Variants in SEH1L observed in about 807,000 individuals in gnomAD.
SEH1L encodes the protein SEH1 like nucleoporin.
A neutral mutation model predicts 49.5 loss-of-function variants in SEH1L; 18 were observed. The observed-to-expected ratio is 0.36, with a 90% CI of 0.25 to 0.54. The LOEUF is 0.54. SEH1L is among the 20% of genes least tolerant of loss of function. SEH1L has a pLI of 0.87. For missense variants in SEH1L, 404 were observed against 528.8 expected, an observed-to-expected ratio of 0.76 and a Z score of 2.31; for synonymous variants, 169 against 178.1, an observed-to-expected ratio of 0.95 and a Z score of 0.41.
intron 4 of SEH1L, 123 bp from the exon 5 acceptor site, chr18:12,971,030 A>G (rs2031676923): frequency 3.0e-6 from 2 of 658,738 alleles, no homozygotes; most frequent in Non-Finnish European, 5.5e-6. Context: ...AGAGACCTAG[A>G]TTCACTAGTA....
chr18:12,969,988 T>A (rs2031626696), intron 4 of SEH1L, among the ~76,000 whole-genome samples: 1 of 152,218 alleles, frequency 6.6e-6, no homozygotes, highest in East Asian at 1.9e-4. Flanking sequence ...TATAAATAAC[T>A]TATAATTTTA....
At chr18:12,974,809 T>C (rs2031849277) in intron 5 of SEH1L, among the ~76,000 whole-genome samples, 3 of 152,178 alleles carry the variant, frequency 2.0e-5, no homozygotes, top group Non-Finnish European at 4.4e-5. Context: ...ACAGCTTTTA[T>C]TAACACTGTT....
intron 1 of SEH1L, 88 bp from the exon 2 acceptor site, chr18:12,951,767 T>C (rs2145603451): frequency 1.3e-6 from 1 of 783,432 alleles, no homozygotes; most frequent in East Asian, 2.7e-5. Context: ...TGTTCACCGC[T>C]TTCCTTGTAC....
At chr18:12,980,385 TC>T (rs2032159760) in intron 6 of SEH1L, among the ~76,000 whole-genome samples, 1 of 83,310 alleles carries the variant, frequency 1.2e-5, no homozygotes, top group Non-Finnish European at 2.4e-5. Flanking sequence ...CCCCCCCACC[TC>T]CCTCCCGGAC....
intron 6 of SEH1L, among the ~76,000 whole-genome samples, chr18:12,980,205 G>A (rs1014283463): frequency 7.7e-5 from 5 of 64,892 alleles, no homozygotes; most frequent in Non-Finnish European, 1.4e-4. Flanking sequence ...CTGGCCGGGC[G>A]GGGGGCTGAC....
intron 5 of SEH1L, chr18:12,971,854 G>C (rs2031718866): frequency 6.6e-6 from 1 of 152,322 alleles, no homozygotes; most frequent in Admixed American, 6.5e-5. Flanking sequence ...GACAAAGAGG[G>C]CAGAAGCACT....
At position 12,987,088 on chromosome 18, in the gene SEH1L, C is replaced by A; in HGVS notation, c.*31C>A. On this transcript the variant is annotated 3_prime_UTR_variant, in exon 9 of 9. Transcript: ENST00000399892. ...TGATTTAACATTGAAAGGCCTTATT[C>A]AAGTGCTTGTAAATGCTTTCATTTC... is the stretch of plus-strand genomic sequence containing the variant. The A allele has an allele frequency of 6.9e-7, 1 of 1,440,536 alleles. No homozygotes were observed. Among genetic ancestry groups the A allele is most frequent in the South Asian group, 1.3e-5 (1 of 78,440 alleles). 89.2% of individuals were successfully genotyped at this position (1,440,536 alleles called of 1,614,324 possible). A position where few individuals can be genotyped will look rare whatever the true frequency, so the allele number is the denominator to read the frequency against.
chr18:12,967,863 A>G (rs616100), intron 4 of SEH1L, among the ~76,000 whole-genome samples: 19 of 152,088 alleles, frequency 1.2e-4, no homozygotes, highest in Admixed American at 1.0e-3. Context: ...GCAGTGAGCC[A>G]AGATGATGCC....
chr18:12,986,814 C>A, intron 8 of SEH1L, 48 bp from the exon 9 acceptor site: 12 of 913,740 alleles, frequency 1.3e-5, no homozygotes, highest in Admixed American at 7.6e-5. Context: ...TTTTTTTTTT[C>A]CTGTTTTTGT....
At chr18:12,978,470 G>T (rs1428180485) in intron 5 of SEH1L, 3 of 258,154 alleles carry the variant, frequency 1.2e-5, no homozygotes, top group East Asian at 1.5e-4. Flanking sequence ...TCTTTTTAAA[G>T]AATACTTACT....
chr18:12,962,781 G>A (rs1408696538), intron 3 of SEH1L, among the ~76,000 whole-genome samples: 1 of 151,848 alleles, frequency 6.6e-6, no homozygotes, highest in Non-Finnish European at 1.5e-5. Context: ...CTCATTTACA[G>A]TTAAAGGGTC....
intron 4 of SEH1L, among the ~76,000 whole-genome samples, chr18:12,964,839 A>G (rs1199021150): frequency 2.7e-5 from 4 of 150,654 alleles, no homozygotes; most frequent in African/African-American, 4.9e-5. Flanking sequence ...GGGTTTGTCC[A>G]TGTTAGCCAG....
At chr18:12,963,000 C>T (rs527502021) in intron 3 of SEH1L, among the ~76,000 whole-genome samples, 160 bp from the exon 4 acceptor site, 1 of 152,096 alleles carries the variant, frequency 6.6e-6, no homozygotes, top group South Asian at 2.1e-4. Flanking sequence ...GGTATTTTGC[C>T]ATGTACTTGT....
intron 4 of SEH1L, among the ~76,000 whole-genome samples, chr18:12,969,896 A>AC (rs1383168568): frequency 6.6e-6 from 1 of 152,140 alleles, no homozygotes; most frequent in African/African-American, 2.4e-5. Flanking sequence ...TCTCAAAAAA[A>AC]CAGGAAAAAA....
chr18:12,980,756 C>T (rs1432121395), intron 6 of SEH1L, among the ~76,000 whole-genome samples: 2 of 74,684 alleles, frequency 2.7e-5, no homozygotes, highest in African/African-American at 5.5e-5. Flanking sequence ...TCCTCACTTC[C>T]CAGTAGGGGC....
intron 8 of SEH1L, chr18:12,986,608 T>G: frequency 9.3e-7 from 1 of 1,072,674 alleles, no homozygotes; most frequent in Non-Finnish European, 1.1e-6. Flanking sequence ...TTTAACATTT[T>G]AAGTTTAACA....
chr18:12,949,442 G>GTTTTTTTTTTTTTTTT lies in SEH1L; in HGVS notation c.111+1223_111+1238dup, dbSNP rs71174155. Among the ~76,000 whole-genome samples the GTTTTTTTTTTTTTTTT allele has an allele frequency of 2.5e-4, 13 of 51,812 alleles. 4 individuals carry two copies. Among genetic ancestry groups the GTTTTTTTTTTTTTTTT allele is most frequent in the East Asian group, 1.7e-3 (3 of 1,762 alleles). 34.0% of individuals were successfully genotyped at this position (51,812 alleles called of 152,430 possible). On this transcript the variant is annotated intron_variant, in intron 1 of 8. Coordinates refer to ENST00000399892, the MANE Select transcript of SEH1L (RefSeq NM_001013437.2). The stretch of plus-strand genomic sequence containing the variant: ...TTTGTTGTAATAAACTACGTTAACC[G>GTTTTTTTTTTTTTTTT]TTTTTTTTTTTTTTTTTTTTTTTTT...
intron 8 of SEH1L, chr18:12,985,225 T>C (rs368863194): frequency 5.5e-4 from 884 of 1,607,258 alleles, no homozygotes; most frequent in Non-Finnish European, 7.3e-4. Flanking sequence ...CCATTTGTAT[T>C]ATGTCCTTTA....
chr18:12,954,279 TA>T (rs1340416654), intron 2 of SEH1L, among the ~76,000 whole-genome samples: 1 of 152,226 alleles, frequency 6.6e-6, no homozygotes, highest in Non-Finnish European at 1.5e-5. Context: ...TGAAATTCTT[TA>T]AGACCTTTGT....
Sources: gnomAD v4.1 joint callset for allele counts (sites outside exome capture counted in the v4.1 genomes callset) on GRCh38, gnomAD v4.1.1 for gene constraint, MANE v1.5 for transcripts, NCBI Gene and HGNC (gene_info 2026-07-23, HGNC 2026-07-21) for gene names.